ABCF3: variants seen among roughly 807,000 people sequenced by gnomAD.
ABCF3 encodes ATP binding cassette subfamily F member 3, also known as ATP-binding cassette sub-family F member 3.
Under a neutral mutation model 94.3 loss-of-function variants are expected in ABCF3, and 62 were observed. The observed-to-expected ratio is 0.66, with a 90% confidence interval of 0.54 to 0.81. ABCF3 has a LOEUF of 0.81. Ranked by LOEUF, ABCF3 falls within the 40% of genes least tolerant of loss-of-function variation. ABCF3 has a pLI of 0.00. For missense variants in ABCF3, 843 were observed against 925.3 expected, an observed-to-expected ratio of 0.91 and a Z score of 1.15; for synonymous variants, 355 against 361.1, an observed-to-expected ratio of 0.98 and a Z score of 0.19.
chr3:184,186,457 G>C, intron 1 of ABCF3, 50 bp from the exon 2 acceptor site: 2 of 1,585,852 alleles, frequency 1.3e-6, no homozygotes, highest in Non-Finnish European at 8.6e-7. Flanking sequence ...GAAACTGCTT[G>C]TGTGTCCACC....
In ABCF3 at chr3:184,189,640, C is replaced by T. The variant is rs1715882077; in HGVS notation, c.1197C>T (p.Ser399=). Residue 399 remains serine (S), a synonymous_variant, in exon 13 of 21, where the codon AGC becomes AGT. Coordinates refer to ENST00000429586, the MANE Select transcript of ABCF3 (RefSeq NM_018358.3). Reference sequence around the variant, plus strand: ...CCACAGACATCATCCACCTGCACAGCCAGCGGCTAGATGGTTACCGGGGAG... The same window carrying T: ...CCACAGACATCATCCACCTGCACAGTCAGCGGCTAGATGGTTACCGGGGAG... The part of the protein sequence containing the change: ...AIATDIIHLH[S]QRLDGYRGDF... 1 of 1,614,098 alleles carries T rather than the reference C, an allele frequency of 6.2e-7. No homozygotes were observed. The highest frequency in any genetic ancestry group is 8.5e-7 in the Non-Finnish European group (1 of 1,180,058).
At chr3:184,190,978 C>G in intron 14 of ABCF3, 21 bp from the exon 15 acceptor site, 2 of 1,613,630 alleles carry the variant, frequency 1.2e-6, no homozygotes, top group Non-Finnish European at 1.7e-6. Context: ...TAAATCTAGT[C>G]TACCTCATCT....
chr3:184,190,647 A>G, intron 14 of ABCF3: 1 of 213,674 alleles, frequency 4.7e-6, no homozygotes, highest in Non-Finnish European at 9.5e-6. Flanking sequence ...CTGTGAAGTG[A>G]TAGCTCATTG....
Position 184,187,928 on chromosome 3 carries a change from A to G in ABCF3, c.514A>G (p.Lys172Glu), listed in dbSNP as rs1334426286. Reference sequence around the variant, plus strand: ...GGAGAGTCGGTTGGAATCATCTGGCAAGAACAAATCCTATGATGTGCGAAT... The same window carrying G: ...GGAGAGTCGGTTGGAATCATCTGGCGAGAACAAATCCTATGATGTGCGAAT... ...RKESRLESSGKNKSYDVRIEN... is the reference protein window; with the variant it reads ...RKESRLESSGENKSYDVRIEN... Residue 172 changes from lysine (K) to glutamate (E), a missense_variant, in exon 6 of 21, where the codon AAG becomes GAG. Lys to Glu is a moderately conservative substitution (Grantham distance 56, BLOSUM62 1). Coordinates refer to ENST00000429586, the MANE Select transcript of ABCF3 (RefSeq NM_018358.3). 6.2e-7 allele frequency: 1 copy of G among 1,614,034 alleles called. No homozygotes were observed. Among genetic ancestry groups the G allele is most frequent in the Non-Finnish European group, 8.5e-7 (1 of 1,180,058 alleles).
At chr3:184,192,443 A>G (rs748829904) in intron 16 of ABCF3, among the ~76,000 whole-genome samples, 158 bp from the exon 17 acceptor site, 3 of 151,668 alleles carry the variant, frequency 2.0e-5, no homozygotes, top group Non-Finnish European at 4.4e-5. Context: ...CCCTCTCTCA[A>G]TTCCCCTCCT....
At position 184,188,769 on chromosome 3, in the gene ABCF3, G is replaced by C. The variant is rs1339438275; in HGVS notation, c.845G>C (p.Gly282Ala). ...TAQIAAGRAE[G>A]SEAAELAEIY... Reference sequence around the variant, plus strand: ...GTTTCTCCTCCCTCCAGGGCGGAGGGCTCTGAAGCTGCAGAGCTGGCAGAA... The same window carrying C: ...GTTTCTCCTCCCTCCAGGGCGGAGGCCTCTGAAGCTGCAGAGCTGGCAGAA... Residue 282 changes from glycine (G) to alanine (A), a missense_variant, in exon 8 of 21, where the codon GGC becomes GCC. Physicochemically the swap from Gly to Ala is moderately conservative, Grantham distance 60 (BLOSUM62 0). Coordinates refer to ENST00000429586, the MANE Select transcript of ABCF3 (RefSeq NM_018358.3). 1.9e-6 allele frequency: 3 copies of C among 1,613,890 alleles called. No homozygotes were observed. The highest frequency in any genetic ancestry group is 2.2e-5 in the South Asian group (2 of 91,048).
At chr3:184,187,363 G>T in intron 3 of ABCF3, 34 bp from the exon 4 acceptor site, 7 of 1,613,602 alleles carry the variant, frequency 4.3e-6, no homozygotes, top group Non-Finnish European at 5.1e-6. Flanking sequence ...CCTTCCCTCA[G>T]GGAGAAGGTG....
At chr3:184,188,567 C>T (rs1341721490) in intron 7 of ABCF3, 160 bp downstream of exon 7, 4 of 1,093,376 alleles carry the variant, frequency 3.7e-6, no homozygotes, top group South Asian at 1.6e-5. Context: ...CCACAGTGCC[C>T]ATTGCCCTTT....
At chr3:184,191,333 A>G in intron 16 of ABCF3, 78 bp downstream of exon 16, 2 of 1,596,466 alleles carry the variant, frequency 1.3e-6, no homozygotes, top group Non-Finnish European at 8.5e-7. Flanking sequence ...CCAGATCCTC[A>G]GGCTGTAAAG....
chr3:184,189,834 C>T (rs1715901991), intron 13 of ABCF3, 21 bp from the exon 14 acceptor site: 2 of 1,614,010 alleles, frequency 1.2e-6, no homozygotes, highest in African/African-American at 1.3e-5. Flanking sequence ...TTGACCAATG[C>T]CTACACTCCT....
chr3:184,193,542 T>C lies in ABCF3; in HGVS notation c.1974T>C (p.Gly658=), dbSNP rs1716163902. ...CCTCCTGCCCTCCTGTCTTTCAGGG[T>C]GGTGTGATTCTGGTGTCCCACGATG... is the stretch of plus-strand genomic sequence containing the variant. ...ALGRALNNFR[G]GVILVSHDER... is the part of the protein sequence containing the mutation. Residue 658 remains glycine (G), a splice_region_variant and synonymous_variant, in exon 21 of 21, where the codon GGT becomes GGC. Transcript: ENST00000429586. This position sits in a 1 kb window ranked among gnomAD's most constrained non-coding sequence, Gnocchi z 5.2. 1 of 1,613,940 alleles carries C rather than the reference T, an allele frequency of 6.2e-7. No homozygotes were observed. Among genetic ancestry groups the C allele is most frequent in the Non-Finnish European group, 8.5e-7 (1 of 1,179,974 alleles).
At position 184,192,614 on chromosome 3, in the gene ABCF3, G is replaced by C. The variant is rs781744829; in HGVS notation, c.1583G>C (p.Gly528Ala). 6.2e-7 allele frequency: 1 copy of C among 1,609,466 alleles called. No homozygotes were observed. The highest frequency in any genetic ancestry group is 1.3e-5 in the African/African-American group (1 of 74,560). ...ATGTTTCTTAAGGTTGGAGAGAATG[G>C]GGCTGGGAAGTCTACCATGCTGAAG... is the stretch of plus-strand genomic sequence containing the variant. ...ESRICVVGEN[G>A]AGKSTMLKLL... Residue 528 changes from glycine (G) to alanine (A), a missense_variant, in exon 17 of 21, where the codon GGG becomes GCG. Coordinates refer to ENST00000429586, the MANE Select transcript of ABCF3 (RefSeq NM_018358.3).
At position 184,191,109 on chromosome 3, in the gene ABCF3, C is replaced by T. The variant is rs759964713; in HGVS notation, c.1437-14C>T. On this transcript the variant is annotated splice_polypyrimidine_tract_variant and intron_variant, in intron 15 of 20. Transcript: ENST00000429586. ...TTCCAGCTGCCCCCACATCCTCACC[C>T]CTACCTCCTGCAGGTTCCCTGATGG... The T allele has an allele frequency of 5.0e-6, 8 of 1,614,110 alleles. No individual in the cohort carries two copies. In the African/African-American group the frequency reaches 9.3e-5, roughly 19 times the overall value.
At chr3:184,190,122 C>A in intron 14 of ABCF3, 191 bp downstream of exon 14, 1 of 611,886 alleles carries the variant, frequency 1.6e-6, no homozygotes, top group Non-Finnish European at 2.9e-6. Context: ...ACATGGCAAC[C>A]ACTAATTTAC....
At chr3:184,187,615 C>G (rs746231936) in intron 4 of ABCF3, 49 bp from the exon 5 acceptor site, 18 of 1,607,442 alleles carry the variant, frequency 1.1e-5, no homozygotes, top group African/African-American at 2.7e-5. Context: ...CTTGGGGTTC[C>G]TTTCTGAGCC....
Position 184,192,646 on chromosome 3 carries a change from T to A in ABCF3, c.1615T>A (p.Leu539Met). 1 of 1,610,746 alleles carries A rather than the reference T, an allele frequency of 6.2e-7. No individual in the cohort carries two copies. Among genetic ancestry groups the A allele is most frequent in the Non-Finnish European group, 8.5e-7 (1 of 1,179,246 alleles). ...GAAGTCTACCATGCTGAAGCTGCTTTTGGGGGACCTGGCACCTGTTCGGGG... is the reference window on the plus strand; with the variant it reads ...GAAGTCTACCATGCTGAAGCTGCTTATGGGGGACCTGGCACCTGTTCGGGG... Reference protein sequence around the residue: ...AGKSTMLKLLLGDLAPVRGIR... With the variant: ...AGKSTMLKLLMGDLAPVRGIR... The change falls in exon 17 of 21, where the codon TTG (leucine) becomes ATG (methionine). Residue 539 changes from leucine (L) to methionine (M), a missense_variant. Coordinates refer to ENST00000429586, the MANE Select transcript of ABCF3 (RefSeq NM_018358.3).
At position 184,188,075 on chromosome 3, in the gene ABCF3, T is replaced by G. The variant is rs953899244; in HGVS notation, c.570-66T>G. On this transcript the variant is annotated intron_variant, in intron 6 of 20. Transcript: ENST00000429586. ...AACGGGGCTATAAACAATGTTAGGTTTGTCATTAAACTTGCTGTGCACCTA... is the reference window on the plus strand; with the variant it reads ...AACGGGGCTATAAACAATGTTAGGTGTGTCATTAAACTTGCTGTGCACCTA... 48 of 1,611,072 alleles carry G rather than the reference T, an allele frequency of 3.0e-5. No homozygotes were observed. The African/African-American group carries it at 6.1e-4, about 21-fold the overall frequency.
At position 184,188,359 on chromosome 3, in the gene ABCF3, A is replaced by T. The variant is rs377167160; in HGVS notation, c.788A>T (p.Asp263Val). The change falls in exon 7 of 21, where the codon GAT becomes GTT. Residue 263 changes from aspartate to valine, a missense_variant. Physicochemically the swap from Asp to Val is radical, Grantham distance 152. Coordinates refer to ENST00000429586, the MANE Select transcript of ABCF3 (RefSeq NM_018358.3). ...CTGGAGAGTGACAGTGTGCGAGAGG[A>T]TTTGCTACGGAGGGAGCGGGAGCTC... The part of the protein sequence containing the change: ...SVLESDSVRE[D>V]LLRRERELTA... 8.7e-6 allele frequency: 14 copies of T among 1,613,430 alleles called. No individual in the cohort carries two copies. Among genetic ancestry groups the T allele is most frequent in the Non-Finnish European group, 1.2e-5 (14 of 1,179,896 alleles).
chr3:184,189,050 T>TG (rs770490593), intron 9 of ABCF3, 38 bp from the exon 10 acceptor site: 6 of 1,614,226 alleles, frequency 3.7e-6, no homozygotes, highest in Non-Finnish European at 5.1e-6. Context: ...CCTGCCCTGA[T>TG]GAACACCCAC....
Sources: gnomAD v4.1 joint callset for allele counts (sites outside exome capture counted in the v4.1 genomes callset) on GRCh38, gnomAD v4.1.1 for gene constraint, Gnocchi (gnomAD v3.1) non-coding constraint, MANE v1.5 for transcripts, NCBI Gene and HGNC (gene_info 2026-07-23, HGNC 2026-07-21) for gene names.